Variants in ELAVL1 observed in about 807,000 individuals in gnomAD.
ELAVL1 encodes the protein ELAV like RNA binding protein 1.
In ELAVL1, 1 loss-of-function variant was observed where a neutral mutation model predicts 28.4. That is an observed-to-expected ratio of 0.04 (90% CI 0.01 to 0.17). The LOEUF is 0.17. ELAVL1 is among the 10% of genes least tolerant of loss of function. ELAVL1 has a pLI of 1.00. For synonymous variants in ELAVL1, 174 were observed against 183.5 expected (o/e 0.95, Z 0.42); for missense variants, 157 against 447.2 (o/e 0.35, Z 5.85).
chr19:7,986,935 A>AT (rs554511945), intron 2 of ELAVL1, among the ~76,000 whole-genome samples: 11 of 151,780 alleles, frequency 7.2e-5, no homozygotes, highest in Admixed American at 6.6e-5. Flanking sequence ...ATTGTGGGTG[A>AT]TTTTTTGTTT....
chr19:7,963,466 A>G lies in ELAVL1; in HGVS notation c.*17T>C. On this transcript the variant is annotated 3_prime_UTR_variant, in exon 6 of 6. Coordinates refer to ENST00000407627, the MANE Select transcript of ELAVL1 (RefSeq NM_001419.3). The surrounding 1 kb of genome is among the most constrained non-coding windows in gnomAD (Gnocchi z 4.5). The stretch of plus-strand genomic sequence containing the variant: ...ACTCTTAATTATCTATTCCGTACAA[A>G]AAAAAGCATGAGCGAGTTATTTGTG... 6.3e-7 allele frequency: 1 copy of G among 1,596,988 alleles called. No individual in the cohort carries two copies. Among genetic ancestry groups the G allele is most frequent in the Non-Finnish European group, 8.6e-7 (1 of 1,168,506 alleles).
At chr19:7,980,265 G>A (rs897319354) in intron 3 of ELAVL1, among the ~76,000 whole-genome samples, 1 of 152,164 alleles carries the variant, frequency 6.6e-6, no homozygotes, top group Non-Finnish European at 1.5e-5. Flanking sequence ...CCTGCCTGGG[G>A]CACGGGAGGC....
At chr19:7,998,653 AT>A (rs770553642) in intron 1 of ELAVL1, among the ~76,000 whole-genome samples, 8 of 151,220 alleles carry the variant, frequency 5.3e-5, no homozygotes, top group East Asian at 1.9e-4. Flanking sequence ...TAAAATTAGT[AT>A]TTTTTTTTAA....
At chr19:7,997,457 G>A (rs541744587) in intron 1 of ELAVL1, among the ~76,000 whole-genome samples, 2 of 152,306 alleles carry the variant, frequency 1.3e-5, no homozygotes, top group Admixed American at 1.3e-4. Flanking sequence ...CCATAGGGAT[G>A]GATCTGTGGT....
intron 1 of ELAVL1, among the ~76,000 whole-genome samples, chr19:8,000,190 G>C (rs1001759350): frequency 2.0e-5 from 3 of 152,210 alleles, no homozygotes; most frequent in African/African-American, 4.8e-5. Context: ...CCAAGCACTG[G>C]GCTTAGAGGT....
rs1381533424 is a variant in ELAVL1 at position 7,958,693 on chromosome 19, C to G, written c.*4790G>C. The G allele has an allele frequency of 6.6e-6, 1 of 152,314 alleles. No homozygotes were observed. The highest frequency in any genetic ancestry group is 1.5e-5 in the Non-Finnish European group (1 of 68,034). 9.4% of individuals were successfully genotyped at this position (152,314 alleles called of 1,614,324 possible). On this transcript the variant is annotated 3_prime_UTR_variant, in exon 6 of 6. Coordinates refer to ENST00000407627, the MANE Select transcript of ELAVL1 (RefSeq NM_001419.3). ...GAACTGAGTATCGGGACAATTGAGTCGTTGGAACTGTAAGCCACGCCCCAA... is the reference window on the plus strand; with the variant it reads ...GAACTGAGTATCGGGACAATTGAGTGGTTGGAACTGTAAGCCACGCCCCAA...
At position 7,981,478 on chromosome 19, in the gene ELAVL1, C is replaced by T. The variant is rs563618910; in HGVS notation, c.173-292G>A. On this transcript the variant is annotated intron_variant, in intron 2 of 5. Coordinates refer to ENST00000407627, the MANE Select transcript of ELAVL1 (RefSeq NM_001419.3). This position sits in a 1 kb window ranked among gnomAD's most constrained non-coding sequence, Gnocchi z 4.2. Reference sequence around the variant, plus strand: ...GCTCAAGACAGCCTCCCACCTCAGCCTCCAGAGTATCTGGGACTACAGGCC... The same window carrying T: ...GCTCAAGACAGCCTCCCACCTCAGCTTCCAGAGTATCTGGGACTACAGGCC... Among the ~76,000 whole-genome samples the T allele has an allele frequency of 4.6e-5, 7 of 152,064 alleles. No homozygotes were observed. The East Asian group carries it at 7.7e-4, about 17-fold the overall frequency.
chr19:7,965,291 G>A (rs1382370588), intron 5 of ELAVL1, among the ~76,000 whole-genome samples: 1 of 152,192 alleles, frequency 6.6e-6, no homozygotes, highest in Non-Finnish European at 1.5e-5. Flanking sequence ...GTCCAGGCTG[G>A]TCTCAAATTC....
At chr19:8,004,950 G>A (rs1351696622) in intron 1 of ELAVL1, among the ~76,000 whole-genome samples, 2 of 151,798 alleles carry the variant, frequency 1.3e-5, no homozygotes, top group African/African-American at 2.4e-5. Context: ...TGTTAGAGAT[G>A]GCGCTCAAAA....
intron 1 of ELAVL1, among the ~76,000 whole-genome samples, chr19:8,004,940 T>G (rs1258216226): frequency 6.6e-6 from 1 of 152,120 alleles, no homozygotes. Flanking sequence ...CAAACAGCTT[T>G]GTTAGAGATG....
intron 3 of ELAVL1, among the ~76,000 whole-genome samples, chr19:7,975,299 G>A (rs767085364): frequency 1.3e-5 from 2 of 152,232 alleles, no homozygotes; most frequent in South Asian, 2.1e-4. Flanking sequence ...CCAGTGGAGC[G>A]GAGCTGAGGC....
chr19:7,973,984 T>A (rs987026424), intron 3 of ELAVL1, 106 bp from the exon 4 acceptor site: 1 of 1,399,348 alleles, frequency 7.1e-7, no homozygotes, highest in African/African-American at 1.4e-5. Flanking sequence ...GTGTTAGAAA[T>A]CATGCAGGGA....
chr19:7,964,311 C>A (rs538680958), intron 5 of ELAVL1, among the ~76,000 whole-genome samples: 1 of 152,158 alleles, frequency 6.6e-6, no homozygotes, highest in Non-Finnish European at 1.5e-5. Flanking sequence ...GGTTAGAGCA[C>A]GCCTTTGCCA....
At chr19:7,985,370 T>A (rs1985573415) in intron 2 of ELAVL1, among the ~76,000 whole-genome samples, 1 of 152,206 alleles carries the variant, frequency 6.6e-6, no homozygotes, top group Admixed American at 6.5e-5. Flanking sequence ...ACAAGCCACC[T>A]GCACCAGGGG....
intron 3 of ELAVL1, among the ~76,000 whole-genome samples, chr19:7,978,852 T>G: frequency 6.6e-6 from 1 of 152,244 alleles, no homozygotes; most frequent in Middle Eastern, 3.4e-3. Flanking sequence ...GGTGTCAGAA[T>G]AGAACTGCAG....
At chr19:8,005,332 G>C (rs1175919208) in intron 1 of ELAVL1, among the ~76,000 whole-genome samples, 163 bp downstream of exon 1, 2 of 149,180 alleles carry the variant, frequency 1.3e-5, no homozygotes, top group Non-Finnish European at 3.0e-5. Context: ...GGCCCGCCCC[G>C]ACCCGCCCGC....
intron 2 of ELAVL1, among the ~76,000 whole-genome samples, chr19:7,988,922 G>A (rs994983108): frequency 1.1e-4 from 17 of 152,220 alleles, no homozygotes; most frequent in African/African-American, 4.1e-4. Context: ...AGGGAGGATC[G>A]GGGCTGGAGA....
chr19:7,993,494 T>C (rs1053115176), intron 1 of ELAVL1, among the ~76,000 whole-genome samples: 6 of 152,372 alleles, frequency 3.9e-5, no homozygotes, highest in African/African-American at 1.4e-4. Flanking sequence ...TCTTCACAGT[T>C]TGCAGGCTTT....
chr19:7,984,782 G>T (rs541865743), intron 2 of ELAVL1, among the ~76,000 whole-genome samples: 2 of 152,236 alleles, frequency 1.3e-5, no homozygotes, highest in African/African-American at 4.8e-5. Flanking sequence ...CGCTGGGTGA[G>T]GCCATCACTG....
Sources: allele counts gnomAD v4.1 joint callset (sites outside exome capture counted in the v4.1 genomes callset), GRCh38; gene constraint gnomAD v4.1.1; non-coding constraint Gnocchi (gnomAD v3.1); transcripts MANE v1.5; gene names NCBI Gene and HGNC (gene_info 2026-07-23, HGNC 2026-07-21).